Variants in ZNF106 observed in about 807,000 individuals in gnomAD.
ZNF106 encodes zinc finger protein 106.
In ZNF106, 67 loss-of-function variants were observed where a neutral mutation model predicts 195.1. The ratio of observed to expected loss-of-function variants is 0.34; its 90% CI spans 0.28 to 0.42. ZNF106 has a LOEUF of 0.42. Ranked by LOEUF, ZNF106 falls within the 10% of genes least tolerant of loss-of-function variation. The pLI is 1.00. For missense variants in ZNF106, 2,118 were observed against 2,304.5 expected, an observed-to-expected ratio of 0.92 and a Z score of 1.66; for synonymous variants, 784 against 818.6, an observed-to-expected ratio of 0.96 and a Z score of 0.72.
intron 16 of ZNF106, 195 bp downstream of exon 16, chr15:42,424,639 C>T (rs1244948250): frequency 1.3e-5 from 7 of 547,620 alleles, no homozygotes; most frequent in Admixed American, 1.3e-4. Context: ...CCACAACATC[C>T]CGCTAATTTT....
chr15:42,460,548 G>C (rs73402762), intron 3 of ZNF106, among the ~76,000 whole-genome samples: 7,185 of 152,220 alleles, frequency 0.047, 558 homozygotes, highest in African/African-American at 0.16. Context: ...CTGCCCAGAA[G>C]GGCATACGCA....
At chr15:42,462,532 A>C (rs967911154) in intron 3 of ZNF106, among the ~76,000 whole-genome samples, 1 of 151,958 alleles carries the variant, frequency 6.6e-6, no homozygotes, top group African/African-American at 2.4e-5. Flanking sequence ...AGGGAGGCAG[A>C]GGTTGCAGTG....
At chr15:42,421,612 C>A (rs190925017) in intron 19 of ZNF106, among the ~76,000 whole-genome samples, 7 of 152,330 alleles carry the variant, frequency 4.6e-5, no homozygotes, top group South Asian at 2.1e-4. Context: ...AATCTCCTGA[C>A]TCCATTCCAG....
chr15:42,478,155 G>T (rs1335083409), intron 1 of ZNF106, among the ~76,000 whole-genome samples: 1 of 150,798 alleles, frequency 6.6e-6, no homozygotes, highest in Non-Finnish European at 1.5e-5. Flanking sequence ...AACCAATATT[G>T]ATACATTGTT....
rs375423276 is a variant in ZNF106, at chr15:42,448,739, T to A, written c.2502-34A>T. ...AGAAAGAAAAAATGAAAACATAAAT[T>A]GGATATGGTTGTTGGGAGGGGCATT... On this transcript the variant is annotated intron_variant, in intron 5 of 21. Transcript: ENST00000564754. 3.9e-6 allele frequency: 6 copies of A among 1,552,604 alleles called. No individual in the cohort carries two copies. The African/African-American group carries it at 6.9e-5, about 18-fold the overall frequency.
rs199813578 is a variant in ZNF106, at chr15:42,451,409, T to C, written c.863A>G (p.Lys288Arg). 1.2e-6 allele frequency: 2 copies of C among 1,614,228 alleles called. No homozygotes were observed. Among genetic ancestry groups the C allele is most frequent in the South Asian group, 1.1e-5 (1 of 91,080 alleles). The change falls in exon 5 of 22, where the codon AAG becomes AGG. Residue 288 changes from lysine (K) to arginine (R), a missense_variant. Coordinates refer to ENST00000564754, the MANE Select transcript of ZNF106 (RefSeq NM_001366845.3). Reference sequence around the variant, plus strand: ...GTATTTGTTTGACTTATTAGATTTCTTGTTCCATAGCATAGTCATGTCTTC... The same window carrying C: ...GTATTTGTTTGACTTATTAGATTTCCTGTTCCATAGCATAGTCATGTCTTC... ...QMEDMTMLWN[K>R]KSNKSNKYSH...
intron 17 of ZNF106, among the ~76,000 whole-genome samples, 186 bp from the exon 18 acceptor site, chr15:42,422,806 C>T (rs1220104384): frequency 1.3e-5 from 2 of 150,962 alleles, no homozygotes; most frequent in Non-Finnish European, 1.5e-5. Context: ...AAGTATCCCA[C>T]AATCATTTAT....
intron 1 of ZNF106, among the ~76,000 whole-genome samples, chr15:42,486,051 G>A (rs1007291929): frequency 6.7e-6 from 1 of 149,978 alleles, no homozygotes; most frequent in African/African-American, 2.5e-5. Context: ...TCCACCTCCC[G>A]GGTTCAATCG....
intron 1 of ZNF106, among the ~76,000 whole-genome samples, chr15:42,476,921 C>A (rs2056797537): frequency 6.6e-6 from 1 of 152,066 alleles, no homozygotes; most frequent in South Asian, 2.1e-4. Context: ...ATATAACATG[C>A]AAAATATGTG....
chr15:42,434,077 C>A (rs922667044), intron 14 of ZNF106, among the ~76,000 whole-genome samples: 1 of 152,112 alleles, frequency 6.6e-6, no homozygotes, highest in African/African-American at 2.4e-5. Context: ...GAGCTCCTGG[C>A]CTCAAGCAAT....
Position 42,417,352 on chromosome 15 carries a change from T to C in ZNF106, c.5673A>G (p.Ala1891=), listed in dbSNP as rs568123758. ...CTTCAGCATGTCGTTCAATATGTCC[T>C]GCAGCATCCTAGGAATGAAGGGAAA... The part of the protein sequence containing the change: ...TARKGSKQDA[A]GHIERHAEDD... Residue 1891 remains alanine, a synonymous_variant, in exon 22 of 22, where the codon GCA becomes GCG. Coordinates refer to ENST00000564754, the MANE Select transcript of ZNF106 (RefSeq NM_001366845.3). The C allele has an allele frequency of 1.9e-6, 3 of 1,614,046 alleles. No individual in the cohort carries two copies. In the Admixed American group the frequency reaches 5.0e-5, roughly 27 times the overall value.
chr15:42,478,436 A>G (rs1282943831), intron 1 of ZNF106, among the ~76,000 whole-genome samples: 1 of 151,556 alleles, frequency 6.6e-6, no homozygotes, highest in Non-Finnish European at 1.5e-5. Context: ...TGTTGGGATT[A>G]CAGGCATGAG....
chr15:42,452,862 T>C (rs1248476442), intron 4 of ZNF106, among the ~76,000 whole-genome samples: 2 of 151,896 alleles, frequency 1.3e-5, no homozygotes, highest in Non-Finnish European at 2.9e-5. Context: ...ATTTTTGTAT[T>C]TTTAGTAGAG....
chr15:42,421,056 C>G lies in ZNF106; in HGVS notation c.5517+5G>C. 6.2e-7 allele frequency: 1 copy of G among 1,614,004 alleles called. No individual in the cohort carries two copies. The highest frequency in any genetic ancestry group is 8.5e-7 in the Non-Finnish European group (1 of 1,179,910). On this transcript the variant is annotated splice_donor_5th_base_variant and intron_variant, in intron 20 of 21. Transcript: ENST00000564754. ...TCCAGTGACAGGAAGAGTTTCACTC[C>G]TTACCCAACAGCGGTAATTCTGCAT...
intron 20 of ZNF106, among the ~76,000 whole-genome samples, chr15:42,419,387 C>T (rs1377634546): frequency 6.6e-6 from 1 of 151,448 alleles, no homozygotes; most frequent in Non-Finnish European, 1.5e-5. Flanking sequence ...AAAAATAATA[C>T]AAAAATTAGC....
intron 4 of ZNF106, among the ~76,000 whole-genome samples, chr15:42,453,754 C>T (rs2056128090): frequency 6.6e-6 from 1 of 152,114 alleles, no homozygotes; most frequent in Non-Finnish European, 1.5e-5. Flanking sequence ...CGCCACCACG[C>T]CTGGCTAATT....
intron 4 of ZNF106, among the ~76,000 whole-genome samples, chr15:42,454,438 G>A (rs767626594): frequency 1.3e-4 from 19 of 151,964 alleles, no homozygotes; most frequent in Admixed American, 7.2e-4. Flanking sequence ...AGAACTGGGG[G>A]ATAAATAAAT....
At chr15:42,461,488 C>A (rs1190913167) in intron 3 of ZNF106, among the ~76,000 whole-genome samples, 1 of 152,330 alleles carries the variant, frequency 6.6e-6, no homozygotes, top group South Asian at 2.1e-4. Context: ...ATTAAGCTTG[C>A]TCTAACTACC....
chr15:42,433,212 T>C (rs1380718430), intron 14 of ZNF106, among the ~76,000 whole-genome samples: 3 of 151,814 alleles, frequency 2.0e-5, no homozygotes, highest in Non-Finnish European at 4.4e-5. Context: ...TTCACACCAT[T>C]CTCCTGCCTC....
Sources: gnomAD v4.1 joint callset for allele counts (sites outside exome capture counted in the v4.1 genomes callset) on GRCh38, gnomAD v4.1.1 for gene constraint, MANE v1.5 for transcripts, NCBI Gene and HGNC (gene_info 2026-07-23, HGNC 2026-07-21) for gene names.